Variants in SETD7 observed in about 807,000 individuals in gnomAD.
The protein encoded by SETD7 is SET domain containing 7, histone lysine methyltransferase.
Under a neutral mutation model 41.8 loss-of-function variants are expected in SETD7, and 16 were observed. The observed-to-expected ratio is 0.38, with a 90% CI of 0.26 to 0.58. The LOEUF is 0.58. Among genes scored for constraint, SETD7 ranks in the 20% least tolerant of loss-of-function variants. SETD7 has a pLI of 0.64. For synonymous variants in SETD7, 163 were observed against 169.7 expected (o/e 0.96, Z 0.31); for missense variants, 346 against 459.7 (o/e 0.75, Z 2.26).
intron 1 of SETD7, among the ~76,000 whole-genome samples, chr4:139,550,619 ATCT>A (rs1049291380): frequency 3.9e-5 from 6 of 152,204 alleles, no homozygotes; most frequent in African/African-American, 1.4e-4. Flanking sequence ...GTGCTCTTAC[ATCT>A]TCTTTCAACA....
At chr4:139,543,938 T>A (rs1024060874) in intron 2 of SETD7, among the ~76,000 whole-genome samples, 5 of 151,510 alleles carry the variant, frequency 3.3e-5, no homozygotes, top group African/African-American at 4.9e-5. Context: ...CACTCCAGCC[T>A]GGGAGACAGA....
chr4:139,516,564 G>A (rs1003627917), intron 7 of SETD7, among the ~76,000 whole-genome samples: 13 of 151,404 alleles, frequency 8.6e-5, no homozygotes, highest in African/African-American at 2.9e-4. Flanking sequence ...CTATTTGTCT[G>A]GACCTTTGTG....
At chr4:139,533,698 C>G (rs1297880745) in intron 2 of SETD7, among the ~76,000 whole-genome samples, 1 of 152,194 alleles carries the variant, frequency 6.6e-6, no homozygotes, top group African/African-American at 2.4e-5. Flanking sequence ...CTGGTGTTAC[C>G]TGTTCCACAA....
At chr4:139,549,309 A>G (rs1728044972) in intron 1 of SETD7, among the ~76,000 whole-genome samples, 1 of 152,228 alleles carries the variant, frequency 6.6e-6, no homozygotes, top group Non-Finnish European at 1.5e-5. Flanking sequence ...ACTAAGAAAA[A>G]AATGTCCAAT....
chr4:139,529,594 A>T (rs928077795), intron 3 of SETD7, among the ~76,000 whole-genome samples: 4 of 152,224 alleles, frequency 2.6e-5, no homozygotes, highest in African/African-American at 9.6e-5. Flanking sequence ...AATGTAACTA[A>T]GTGTTATTTT....
intron 4 of SETD7, among the ~76,000 whole-genome samples, chr4:139,525,605 T>G (rs1257075629): frequency 6.6e-6 from 1 of 151,954 alleles, no homozygotes; most frequent in Non-Finnish European, 1.5e-5. Flanking sequence ...CCACAGGAAG[T>G]AAGTAGAGAA....
intron 2 of SETD7, among the ~76,000 whole-genome samples, chr4:139,544,759 T>C (rs769233587): frequency 1.5e-4 from 22 of 151,684 alleles, no homozygotes; most frequent in Middle Eastern, 3.2e-3. Context: ...CCAGAGTCAA[T>C]CAGTTACTGG....
rs182819115 is a variant in SETD7 at position 139,518,901 on chromosome 4, A to C, written c.763-859T>G. On this transcript the variant is annotated intron_variant, in intron 6 of 7. Transcript: ENST00000274031. ...CACCCCAGGAGCTGGTGATGACAGC[A>C]GCCCAGCCTTTTGAAGCCAACAGGA... 2.4e-4 allele frequency among the ~76,000 whole-genome samples: 37 copies of C among 152,360 alleles called. No individual in the cohort carries two copies. In the South Asian group the frequency reaches 3.9e-3, roughly 16 times the overall value.
At chr4:139,531,031 G>A (rs536888373) in intron 3 of SETD7, among the ~76,000 whole-genome samples, 4 of 151,936 alleles carry the variant, frequency 2.6e-5, no homozygotes, top group Non-Finnish European at 5.9e-5. Context: ...TCCTCCTCGT[G>A]GGGGGAGAAA....
chr4:139,554,336 C>T (rs180779919), intron 1 of SETD7, among the ~76,000 whole-genome samples: 1 of 152,288 alleles, frequency 6.6e-6, no homozygotes, highest in African/African-American at 2.4e-5. Flanking sequence ...AGCCTGAGGA[C>T]TATGGACAAC....
chr4:139,494,364 AC>A (rs567664859), downstream of SETD7, among the ~76,000 whole-genome samples: 34 of 152,280 alleles, frequency 2.2e-4, no homozygotes, highest in South Asian at 6.8e-3. Flanking sequence ...CTACTGGTGA[AC>A]CATTCTTTCA....
chr4:139,540,608 C>T (rs996180429), intron 2 of SETD7, among the ~76,000 whole-genome samples: 1 of 152,140 alleles, frequency 6.6e-6, no homozygotes, highest in Non-Finnish European at 1.5e-5. Context: ...ATTATAAAAC[C>T]CACCTCCCAG....
At chr4:139,552,040 G>C (rs1728123899) in intron 1 of SETD7, among the ~76,000 whole-genome samples, 1 of 151,954 alleles carries the variant, frequency 6.6e-6, no homozygotes, top group African/African-American at 2.4e-5. Flanking sequence ...TTTTATTTTA[G>C]ATCCGGGGGT....
chr4:139,496,517 G>A lies in SETD7; in HGVS notation c.925C>T (p.Gln309Ter), dbSNP rs4863656. Residue 309 changes from glutamine to a stop codon, truncating the protein, a stop_gained, in exon 8 of 8, where the codon CAG becomes TAG. Transcript: ENST00000506866. LOFTEE classifies it low-confidence loss of function (END_TRUNC). Reference sequence around the variant, plus strand: ...TTACACGTTCCCAGGTGATTCTTCTGGCCACTGAAATTGGAGAAGCAACTG... The same window carrying A: ...TTACACGTTCCCAGGTGATTCTTCTAGCCACTGAAATTGGAGAAGCAACTG... 4 of 701,668 alleles carry A rather than the reference G, an allele frequency of 5.7e-6. No individual in the cohort carries two copies. Among genetic ancestry groups the A allele is most frequent in the South Asian group, 3.0e-5 (2 of 67,478 alleles). The allele number at this position is 701,668 out of a possible 1,614,324, so 43.5% of individuals were successfully genotyped here.
chr4:139,511,765 A>G lies in SETD7; in HGVS notation c.999T>C (p.Val333=). 1 of 1,614,178 alleles carries G rather than the reference A, an allele frequency of 6.2e-7. No individual in the cohort carries two copies. The change falls in exon 8 of 8, where the codon GTT becomes GTC. Residue 333 remains valine, a synonymous_variant. Transcript: ENST00000274031. ...RAVEADEELT[V]AYGYDHSPPG... is the part of the protein sequence containing the mutation. ...GGGGGCTGTGGTCATAGCCATAGGC[A>G]ACGGTGAGCTCTTCATCGGCCTCCA...
At chr4:139,528,398 T>C (rs1407222145) in intron 4 of SETD7, among the ~76,000 whole-genome samples, 1 of 152,244 alleles carries the variant, frequency 6.6e-6, no homozygotes, top group Non-Finnish European at 1.5e-5. Context: ...TGGTTCTTTA[T>C]TATCATAGTA....
chr4:139,495,751 T>C (rs1726442404), downstream of SETD7, among the ~76,000 whole-genome samples: 1 of 152,172 alleles, frequency 6.6e-6, no homozygotes, highest in African/African-American at 2.4e-5. Context: ...ATCCAAACCA[T>C]ATCAGGGAGT....
chr4:139,502,354 C>T (rs906727543), downstream of SETD7, among the ~76,000 whole-genome samples: 27 of 152,092 alleles, frequency 1.8e-4, no homozygotes, highest in African/African-American at 5.8e-4. Context: ...AAAGTGGCCT[C>T]GGAATGCTGG....
intron 3 of SETD7, among the ~76,000 whole-genome samples, chr4:139,532,180 G>T (rs1339361228): frequency 2.0e-5 from 3 of 152,206 alleles, no homozygotes; most frequent in Non-Finnish European, 4.4e-5. Context: ...AATGGCTCAT[G>T]CCTGTAATTT....
Sources: gnomAD v4.1 joint callset for allele counts (sites outside exome capture counted in the v4.1 genomes callset) on GRCh38, gnomAD v4.1.1 for gene constraint, MANE v1.5 for transcripts, NCBI Gene and HGNC (gene_info 2026-07-23, HGNC 2026-07-21) for gene names.